MAMDC2: variants seen among roughly 807,000 people sequenced by gnomAD.
MAMDC2 encodes MAM domain-containing protein 2.
Under a neutral mutation model 89.8 loss-of-function variants are expected in MAMDC2, and 57 were observed. The observed-to-expected ratio is 0.63, with a 90% CI of 0.51 to 0.79. The LOEUF is 0.79. Ranked by LOEUF, MAMDC2 falls within the 30% of genes least tolerant of loss-of-function variation. The pLI is 0.00. For synonymous variants in MAMDC2, 313 were observed against 293.4 expected (o/e 1.07, Z -0.68); for missense variants, 800 against 820.6 (o/e 0.97, Z 0.31).
chr9:70,081,377 G>A (rs963929759), intron 2 of MAMDC2: 3 of 152,186 alleles, frequency 2.0e-5, no homozygotes, highest in Admixed American at 6.6e-5. Context: ...GGCTTTGAAT[G>A]TGTCATTGTA....
chr9:70,183,311 G>T (rs958639233), intron 11 of MAMDC2, among the ~76,000 whole-genome samples: 1 of 152,168 alleles, frequency 6.6e-6, no homozygotes, highest in Admixed American at 6.6e-5. Context: ...TTGCTGAGAA[G>T]AATGTATATT....
chr9:70,119,354 G>T (rs1563962728), intron 5 of MAMDC2, among the ~76,000 whole-genome samples: 1 of 152,116 alleles, frequency 6.6e-6, no homozygotes, highest in Admixed American at 6.5e-5. Flanking sequence ...TCATGAGATG[G>T]TTGGATCATC....
intron 11 of MAMDC2, among the ~76,000 whole-genome samples, chr9:70,183,364 C>T (rs1477499889): frequency 1.3e-5 from 2 of 152,146 alleles, no homozygotes. Flanking sequence ...TCTATTAGGT[C>T]CGCTTGGTCC....
Position 70,149,045 on chromosome 9 carries a change from A to ATT in MAMDC2, c.1404+5240_1404+5241dup, listed in dbSNP as rs34684659. ...CTCTGTCTCAAAAAAAAAAAAAAAAATTTTTTTTTTTTTTTATTAGCCAGG... is the reference window on the plus strand; with the variant it reads ...CTCTGTCTCAAAAAAAAAAAAAAAAATTTTTTTTTTTTTTTTTATTAGCCAGG... On this transcript the variant is annotated intron_variant, in intron 9 of 13. Coordinates refer to ENST00000377182, the MANE Select transcript of MAMDC2 (RefSeq NM_153267.5). Among the ~76,000 whole-genome samples, 468 of 95,832 alleles carry ATT rather than the reference A, an allele frequency of 4.9e-3. 4 individuals are homozygous for ATT. Among genetic ancestry groups the ATT allele is most frequent in the African/African-American group, 0.014 (339 of 24,676 alleles). The allele number at this position is 95,832 out of a possible 152,430, so 62.9% of individuals were successfully genotyped here. A position where few individuals can be genotyped will look rare whatever the true frequency, so the allele number is the denominator to read the frequency against.
chr9:70,071,942 A>C (rs1221425683), intron 2 of MAMDC2, among the ~76,000 whole-genome samples: 1 of 152,178 alleles, frequency 6.6e-6, no homozygotes, highest in African/African-American at 2.4e-5. Flanking sequence ...TACAATATGA[A>C]GGAGGTAACT....
intron 9 of MAMDC2, among the ~76,000 whole-genome samples, chr9:70,167,702 T>C (rs930931230): frequency 5.3e-5 from 8 of 152,248 alleles, no homozygotes; most frequent in Admixed American, 3.3e-4. Context: ...CCTTTAAAAT[T>C]TGCCTGATGG....
At chr9:70,187,305 T>G (rs543459911) in intron 11 of MAMDC2, among the ~76,000 whole-genome samples, 1 of 152,256 alleles carries the variant, frequency 6.6e-6, no homozygotes, top group East Asian at 1.9e-4. Flanking sequence ...GTTCTTTAGT[T>G]TGGGTATTTT....
chr9:70,164,719 G>A (rs915512056), intron 9 of MAMDC2, among the ~76,000 whole-genome samples: 1 of 151,806 alleles, frequency 6.6e-6, no homozygotes, highest in African/African-American at 2.4e-5. Context: ...CGTGATCATG[G>A]CTCACTGCAG....
At chr9:70,188,859 C>A (rs1419856039) in intron 11 of MAMDC2, 1 of 149,836 alleles carries the variant, frequency 6.7e-6, no homozygotes, top group Non-Finnish European at 1.5e-5. Flanking sequence ...CTCACCTCGG[C>A]CTCCCAAAGT....
chr9:70,188,127 C>T (rs1320843152), intron 11 of MAMDC2, among the ~76,000 whole-genome samples: 2 of 152,172 alleles, frequency 1.3e-5, no homozygotes, highest in African/African-American at 4.8e-5. Context: ...ATTGTAGCCA[C>T]TCCAGTTCTT....
At chr9:70,125,990 A>G (rs2030519262) in intron 5 of MAMDC2, among the ~76,000 whole-genome samples, 169 bp from the exon 6 acceptor site, 1 of 152,098 alleles carries the variant, frequency 6.6e-6, no homozygotes, top group South Asian at 2.1e-4. Context: ...CAGCTGCAAC[A>G]TTTCTCCATC....
At chr9:70,170,779 A>T (rs1307563388) in intron 11 of MAMDC2, 148 bp downstream of exon 11, 1 of 676,118 alleles carries the variant, frequency 1.5e-6, no homozygotes, top group African/African-American at 1.8e-5. Context: ...GGATGATTTG[A>T]TATGGGCATT....
At chr9:70,080,605 G>C (rs991445092) in intron 2 of MAMDC2, among the ~76,000 whole-genome samples, 3 of 152,210 alleles carry the variant, frequency 2.0e-5, no homozygotes, top group Non-Finnish European at 4.4e-5. Context: ...AGGGGCAGTT[G>C]GTTGGGCCGT....
At chr9:70,090,225 C>A (rs189811633) in intron 2 of MAMDC2, among the ~76,000 whole-genome samples, 1 of 152,140 alleles carries the variant, frequency 6.6e-6, no homozygotes, top group Non-Finnish European at 1.5e-5. Flanking sequence ...GTAATCCCAA[C>A]ACTTTGAGAG....
chr9:70,124,338 A>G (rs1399621797), intron 5 of MAMDC2, among the ~76,000 whole-genome samples: 4 of 152,236 alleles, frequency 2.6e-5, no homozygotes, highest in Non-Finnish European at 4.4e-5. Context: ...AACTTCACTC[A>G]TACACTTAAT....
chr9:70,220,107 C>A (rs2033529709), intron 12 of MAMDC2, among the ~76,000 whole-genome samples: 1 of 152,072 alleles, frequency 6.6e-6, no homozygotes, highest in African/African-American at 2.4e-5. Context: ...GAATCTAAAT[C>A]TTTGGGGGTG....
intron 9 of MAMDC2, among the ~76,000 whole-genome samples, chr9:70,161,098 T>C (rs956149987): frequency 2.6e-5 from 4 of 152,176 alleles, no homozygotes; most frequent in Non-Finnish European, 5.9e-5. Context: ...GACCTGTTCT[T>C]CATTCTAAAA....
intron 7 of MAMDC2, among the ~76,000 whole-genome samples, chr9:70,138,574 T>G (rs2031086648): frequency 6.6e-6 from 1 of 152,206 alleles, no homozygotes; most frequent in African/African-American, 2.4e-5. Context: ...CATCTGTTAA[T>G]TTTTGTCTTT....
At chr9:70,126,746 C>G (rs1563965952) in intron 6 of MAMDC2, among the ~76,000 whole-genome samples, 1 of 152,138 alleles carries the variant, frequency 6.6e-6, no homozygotes, top group East Asian at 1.9e-4. Flanking sequence ...AAGAGGAGAT[C>G]AGAACCCTCC....
Sources: allele counts gnomAD v4.1 joint callset (sites outside exome capture counted in the v4.1 genomes callset), GRCh38; gene constraint gnomAD v4.1.1; transcripts MANE v1.5; gene names NCBI Gene and HGNC (gene_info 2026-07-23, HGNC 2026-07-21).